Variants in NELL2 observed in about 807,000 individuals in gnomAD.
The protein encoded by NELL2 is neural EGFL like 2.
In NELL2, 41 loss-of-function variants were observed where a neutral mutation model predicts 109.6. That is an observed-to-expected ratio of 0.37 (90% confidence interval 0.29 to 0.49). The LOEUF is 0.49. Ranked by LOEUF, NELL2 falls within the 20% of genes least tolerant of loss-of-function variation. The pLI is 0.98. For synonymous variants in NELL2, 355 were observed against 344.7 expected, an observed-to-expected ratio of 1.03 and a Z score of -0.33; for missense variants, 900 against 1,008.3, an observed-to-expected ratio of 0.89 and a Z score of 1.45.
intron 2 of NELL2, among the ~76,000 whole-genome samples, chr12:44,851,271 T>A (rs1944527481): frequency 6.6e-6 from 1 of 151,520 alleles, no homozygotes; most frequent in Admixed American, 6.6e-5. Flanking sequence ...TGCCACCCCC[T>A]ACCATAAATC....
intron 3 of NELL2, among the ~76,000 whole-genome samples, chr12:44,788,250 C>T (rs754090944): frequency 5.3e-5 from 8 of 152,074 alleles, no homozygotes; most frequent in Non-Finnish European, 1.0e-4. Context: ...CAAGAATAAA[C>T]CAGGAATTCT....
At chr12:44,630,636 A>AGTTATCCTTTAT (rs1946419562) in intron 13 of NELL2, among the ~76,000 whole-genome samples, 1 of 152,154 alleles carries the variant, frequency 6.6e-6, no homozygotes. Context: ...TTATCCTTTA[A>AGTTATCCTTTAT]GAAGTCCAGG....
At chr12:44,584,843 C>A (rs1944439417) in intron 15 of NELL2, among the ~76,000 whole-genome samples, 2 of 152,162 alleles carry the variant, frequency 1.3e-5, no homozygotes. Context: ...TGGTAAATTT[C>A]CCTAACAATA....
chr12:44,747,719 A>C (rs1208748659), intron 9 of NELL2, among the ~76,000 whole-genome samples: 1 of 152,022 alleles, frequency 6.6e-6, no homozygotes, highest in African/African-American at 2.4e-5. Context: ...TCAGTAATGG[A>C]TCAGTTTTAT....
intron 9 of NELL2, among the ~76,000 whole-genome samples, chr12:44,729,181 G>A (rs1426442106): frequency 1.3e-5 from 2 of 152,022 alleles, no homozygotes; most frequent in Non-Finnish European, 2.9e-5. Context: ...ATATGTTAAT[G>A]GACATGCCAC....
rs118162442 is a variant in NELL2, at chr12:44,586,754, G to A, written c.1663+20415C>T. ...CCATTTAGTTCTATAGCATATTAGC[G>A]TTTAAATTATTAAGATATAAGGGTT... On this transcript the variant is annotated intron_variant, in intron 15 of 19. Coordinates refer to ENST00000429094, the MANE Select transcript of NELL2 (RefSeq NM_001145108.2). 7.1e-3 allele frequency among the ~76,000 whole-genome samples: 1,082 copies of A among 152,180 alleles called. 14 individuals carry two copies. The highest frequency in any genetic ancestry group is 0.023 in the African/African-American group (958 of 41,510).
At chr12:44,825,414 T>G (rs1452606129) in intron 2 of NELL2, among the ~76,000 whole-genome samples, 4 of 114,616 alleles carry the variant, frequency 3.5e-5, no homozygotes, top group African/African-American at 1.3e-4. Context: ...TTTTTTTTTT[T>G]GAGACAGAGT....
intron 1 of NELL2, among the ~76,000 whole-genome samples, chr12:44,898,793 T>A (rs971532675): frequency 1.3e-5 from 2 of 152,076 alleles, no homozygotes; most frequent in Non-Finnish European, 2.9e-5. Flanking sequence ...AGAAGGTGGG[T>A]AATAACAAAC....
At chr12:44,521,640 AG>A (rs1192956924) in intron 18 of NELL2, among the ~76,000 whole-genome samples, 1 of 152,068 alleles carries the variant, frequency 6.6e-6, no homozygotes, top group East Asian at 1.9e-4. Context: ...TGGAAAAAAG[AG>A]TATTTTTTTT....
rs1027038926 is a variant in NELL2 at position 44,837,955 on chromosome 12, G to A, written c.185-21819C>T. On this transcript the variant is annotated intron_variant, in intron 2 of 19. Coordinates refer to ENST00000429094, the MANE Select transcript of NELL2 (RefSeq NM_001145108.2). Reference sequence around the variant, plus strand: ...TCATCTTAAAGTAGAAGTACAAATCGCCGCAGAATAGTTTCTAAAGATGTG... The same window carrying A: ...TCATCTTAAAGTAGAAGTACAAATCACCGCAGAATAGTTTCTAAAGATGTG... Among the ~76,000 whole-genome samples the A allele has an allele frequency of 3.3e-5, 5 of 152,094 alleles. No homozygotes were observed. In the East Asian group the frequency reaches 7.7e-4, roughly 23 times the overall value.
intron 9 of NELL2, among the ~76,000 whole-genome samples, chr12:44,742,177 G>A (rs1243909885): frequency 1.3e-5 from 2 of 152,146 alleles, no homozygotes; most frequent in Admixed American, 6.5e-5. Context: ...TGCAGCCACT[G>A]CTGCTGATAC....
chr12:44,632,325 G>A (rs1946485562), intron 13 of NELL2, among the ~76,000 whole-genome samples: 1 of 151,854 alleles, frequency 6.6e-6, no homozygotes, highest in South Asian at 2.1e-4. Flanking sequence ...GCACAGTAAG[G>A]CAAGAAAGGA....
chr12:44,625,197 C>T (rs1268977533), intron 13 of NELL2, among the ~76,000 whole-genome samples: 1 of 151,802 alleles, frequency 6.6e-6, no homozygotes, highest in Non-Finnish European at 1.5e-5. Context: ...GACTGCTGTG[C>T]ATTCCTTTAT....
chr12:44,822,384 A>C (rs1566473642), intron 2 of NELL2, among the ~76,000 whole-genome samples: 1 of 152,256 alleles, frequency 6.6e-6, no homozygotes, highest in Admixed American at 6.5e-5. Flanking sequence ...ACTCAGCCAC[A>C]AAATATCAGT....
rs146700865 is a variant in NELL2 at position 44,887,747 on chromosome 12, G to A, written c.39-11847C>T. Among the ~76,000 whole-genome samples the A allele has an allele frequency of 1.6e-3, 238 of 151,652 alleles. 6 individuals carry two copies. The highest frequency in any genetic ancestry group is 5.7e-3 in the African/African-American group (233 of 41,228). ...CTGGTTATTAATCCCTTGTCAGGTGGGTACTTTGCAAATATTTTCTCCCAC... is the reference window on the plus strand; with the variant it reads ...CTGGTTATTAATCCCTTGTCAGGTGAGTACTTTGCAAATATTTTCTCCCAC... On this transcript the variant is annotated intron_variant, in intron 1 of 20. Coordinates refer to the NELL2 transcript ENST00000333837.
At chr12:44,776,296 C>G in intron 7 of NELL2, 146 bp from the exon 8 acceptor site, 1 of 686,842 alleles carries the variant, frequency 1.5e-6, no homozygotes, top group Non-Finnish European at 2.2e-6. Context: ...ATATTTAAGA[C>G]TTTAATTTAA....
Position 44,610,830 on chromosome 12 carries a change from G to A in NELL2, c.1567+18C>T. 1.2e-6 allele frequency: 2 copies of A among 1,612,614 alleles called. No individual in the cohort carries two copies. Among genetic ancestry groups the A allele is most frequent in the Non-Finnish European group, 1.7e-6 (2 of 1,178,964 alleles). The stretch of plus-strand genomic sequence containing the variant: ...CATTATACATAATGGAAGAGGCACT[G>A]GCATTTAAACCTTTTACCTTTGCAT... On this transcript the variant is annotated intron_variant, in intron 14 of 19. Transcript: ENST00000429094.
chr12:44,569,455 C>G (rs1221475727), intron 15 of NELL2, among the ~76,000 whole-genome samples: 1 of 152,062 alleles, frequency 6.6e-6, no homozygotes, highest in African/African-American at 2.4e-5. Context: ...TGAGGAATTG[C>G]CACACTGCTT....
At chr12:44,878,223 C>T (rs915371865), upstream of NELL2, among the ~76,000 whole-genome samples, 39 of 152,136 alleles carry the variant, frequency 2.6e-4, no homozygotes, top group Non-Finnish European at 7.3e-5. Context: ...ACCATACACA[C>T]TGAGGCTCCC....
Sources: allele counts gnomAD v4.1 joint callset (sites outside exome capture counted in the v4.1 genomes callset), GRCh38; gene constraint gnomAD v4.1.1; transcripts MANE v1.5; gene names NCBI Gene and HGNC (gene_info 2026-07-23, HGNC 2026-07-21).